MROH1: variants seen among roughly 807,000 people sequenced by gnomAD.
MROH1 encodes the protein maestro heat-like repeat-containing protein family member 1.
In MROH1, 117 loss-of-function variants were observed where a neutral mutation model predicts 116.5. The observed-to-expected ratio is 1.00, with a 90% CI of 0.86 to 1.17. The LOEUF is 1.17. MROH1 is among the 50% of genes most tolerant of loss of function. The pLI, the probability that MROH1 is intolerant of heterozygous loss-of-function variation, is 0.00. For missense variants in MROH1, 1,873 were observed against 1,338.5 expected, an observed-to-expected ratio of 1.40 and a Z score of -6.23; for synonymous variants, 921 against 583.9, an observed-to-expected ratio of 1.58 and a Z score of -8.32.
At chr8:144,168,692 C>T (rs139467851) in intron 4 of MROH1, among the ~76,000 whole-genome samples, 15 of 152,302 alleles carry the variant, frequency 9.8e-5, no homozygotes, top group African/African-American at 3.6e-4. Flanking sequence ...TTTGCTGCCC[C>T]TTTTACTCAC....
intron 4 of MROH1, among the ~76,000 whole-genome samples, chr8:144,176,563 C>T (rs1823998162): frequency 6.7e-6 from 1 of 150,298 alleles, no homozygotes; most frequent in South Asian, 2.1e-4. Context: ...GAAATTTGGC[C>T]CGGTATGATG....
intron 4 of MROH1, 92 bp from the exon 5 acceptor site, chr8:144,179,363 T>G (rs1824938075): frequency 3.3e-6 from 5 of 1,538,318 alleles, no homozygotes; most frequent in Non-Finnish European, 2.6e-6. Flanking sequence ...GAGAGATTTG[T>G]GCGGTTTCAT....
chr8:144,242,075 C>T (rs1443561563), intron 22 of MROH1: 16 of 530,224 alleles, frequency 3.0e-5, no homozygotes, highest in Non-Finnish European at 3.8e-5. Context: ...GACTCTCTCA[C>T]GTGGCTGTGC....
chr8:144,212,540 C>G (rs1242377076), intron 12 of MROH1, among the ~76,000 whole-genome samples: 2 of 143,708 alleles, frequency 1.4e-5, no homozygotes, highest in Non-Finnish European at 3.0e-5. Flanking sequence ...ACTTCCAGTT[C>G]AACATATGGA....
At chr8:144,190,080 A>G (rs1295664146) in intron 7 of MROH1, among the ~76,000 whole-genome samples, 1 of 152,208 alleles carries the variant, frequency 6.6e-6, no homozygotes, top group Non-Finnish European at 1.5e-5. Context: ...TGGTGGGGCC[A>G]TGGATTCTGG....
chr8:144,259,285 G>C lies in MROH1; in HGVS notation c.3975G>C (p.Lys1325Asn). 1.4e-6 allele frequency: 1 copy of C among 715,034 alleles called. No individual in the cohort carries two copies. The highest frequency in any genetic ancestry group is 2.6e-6 in the Non-Finnish European group (1 of 384,896). The allele number at this position is 715,034 out of a possible 1,614,324, so 44.3% of individuals were successfully genotyped here. The change falls in exon 37 of 44, where the codon AAG (lysine) becomes AAC (asparagine). Residue 1325 changes from lysine to asparagine, a missense_variant. Lys to Asn is a moderately conservative substitution (Grantham distance 94, BLOSUM62 0). Coordinates refer to ENST00000326134, the MANE Select transcript of MROH1 (RefSeq NM_032450.3). ...HAGPRLPLVL[K>N]TLACTHSSAY... The stretch of plus-strand genomic sequence containing the variant: ...GGCCCCGACTCCCCCTGGTGCTGAA[G>C]ACGCTGGCATGCACACACAGCAGTG...
In MROH1 at chr8:144,260,324, C is replaced by T. The variant is rs1412339048; in HGVS notation, c.4330C>T (p.Arg1444Cys). 19 of 743,602 alleles carry T rather than the reference C, an allele frequency of 2.6e-5. No individual in the cohort carries two copies. Among genetic ancestry groups the T allele is most frequent in the South Asian group, 2.1e-4 (15 of 70,712 alleles). The allele number at this position is 743,602 out of a possible 1,614,324, so 46.1% of individuals were successfully genotyped here. A position where few individuals can be genotyped will look rare whatever the true frequency, so the allele number is the denominator to read the frequency against. ...LVHLVESWDL[R>C]SGLLHVAIRI... ...GCACCTGGTGGAGTCCTGGGACCTG[C>T]GCTCAGGGCTGCTGCACGTGGCCAT... Residue 1444 changes from arginine (R) to cysteine (C), a missense_variant, in exon 39 of 44, where the codon CGC (arginine) becomes TGC (cysteine). Arg to Cys is a radical substitution (Grantham distance 180). Transcript: ENST00000326134.
intron 32 of MROH1, among the ~76,000 whole-genome samples, chr8:144,249,692 C>T (rs1439911060): frequency 8.2e-6 from 1 of 121,458 alleles, no homozygotes; most frequent in Non-Finnish European, 1.8e-5. Context: ...AGGACAGTCG[C>T]AAACTCACAG....
chr8:144,218,402 A>C (rs902356084), intron 12 of MROH1, among the ~76,000 whole-genome samples: 9 of 152,056 alleles, frequency 5.9e-5, no homozygotes, highest in Admixed American at 2.6e-4. Flanking sequence ...CACCTATTCC[A>C]GTCAGGCCGT....
At chr8:144,186,428 TA>T (rs376926600) in intron 7 of MROH1, among the ~76,000 whole-genome samples, 9 of 151,976 alleles carry the variant, frequency 5.9e-5, no homozygotes, top group African/African-American at 2.2e-4. Context: ...GGCCCCAAAT[TA>T]TTTTTGTGAC....
intron 12 of MROH1, among the ~76,000 whole-genome samples, chr8:144,205,632 G>A (rs1832670673): frequency 6.6e-6 from 1 of 151,828 alleles, no homozygotes; most frequent in Admixed American, 6.6e-5. Context: ...TTCCCCCCCA[G>A]GTCCATAGAG....
chr8:144,237,550 C>G (rs952239175), intron 14 of MROH1, among the ~76,000 whole-genome samples: 2 of 152,190 alleles, frequency 1.3e-5, no homozygotes, highest in South Asian at 4.1e-4. Context: ...ATCTGTTATC[C>G]GAAGGCTAGC....
At chr8:144,253,719 G>A (rs1843220115) in intron 33 of MROH1, among the ~76,000 whole-genome samples, 8 of 152,046 alleles carry the variant, frequency 5.3e-5, no homozygotes, top group South Asian at 4.2e-4. Flanking sequence ...CACACTGTCC[G>A]CCTTTGTTTA....
intron 12 of MROH1, among the ~76,000 whole-genome samples, chr8:144,211,264 G>A (rs1001631868): frequency 4.7e-4 from 71 of 152,304 alleles, no homozygotes; most frequent in African/African-American, 1.5e-3. Flanking sequence ...TCCTTTGAAC[G>A]TCAGTCTTAG....
intron 12 of MROH1, among the ~76,000 whole-genome samples, chr8:144,203,366 G>C: frequency 6.7e-6 from 1 of 149,066 alleles, no homozygotes; most frequent in Non-Finnish European, 1.5e-5. Context: ...GCGGGGAGGG[G>C]AGCGCTCGCT....
chr8:144,239,284 G>A, intron 16 of MROH1, 39 bp from the exon 17 acceptor site: 1 of 775,432 alleles, frequency 1.3e-6, no homozygotes, highest in South Asian at 1.3e-5. Flanking sequence ...CAGGGCTACA[G>A]GCAGCCCCCC....
intron 7 of MROH1, among the ~76,000 whole-genome samples, chr8:144,186,971 G>A (rs959606494): frequency 6.6e-6 from 1 of 152,044 alleles, no homozygotes; most frequent in Admixed American, 6.6e-5. Context: ...GGCAGTGTGT[G>A]CCTATAGTCC....
chr8:144,170,895 T>C (rs1822269450), intron 4 of MROH1, among the ~76,000 whole-genome samples: 2 of 152,230 alleles, frequency 1.3e-5, no homozygotes, highest in South Asian at 4.1e-4. Context: ...GGGACGGGAT[T>C]TGGGGAAGAG....
rs959903543 is a variant in MROH1, at chr8:144,180,533, G to A, written c.562+10G>A. 35 of 1,606,224 alleles carry A rather than the reference G, an allele frequency of 2.2e-5. No individual in the cohort carries two copies. The highest frequency in any genetic ancestry group is 4.5e-5 in the East Asian group (2 of 44,854). ...GTGGCCTTCTGCTCCGGTAAGAGGC[G>A]GCCTCGTCACCTTCTGTCTCAAGTG... On this transcript the variant is annotated intron_variant, in intron 7 of 43. Transcript: ENST00000326134. The surrounding 1 kb of genome is among the most constrained non-coding windows in gnomAD (Gnocchi z 7.4).
Sources: gnomAD v4.1 joint callset for allele counts (sites outside exome capture counted in the v4.1 genomes callset) on GRCh38, gnomAD v4.1.1 for gene constraint, Gnocchi (gnomAD v3.1) non-coding constraint, MANE v1.5 for transcripts, NCBI Gene and HGNC (gene_info 2026-07-23, HGNC 2026-07-21) for gene names.